STK39: variants seen among roughly 807,000 people sequenced by gnomAD.
The protein encoded by STK39 is serine/threonine kinase 39.
Under a neutral mutation model 77.8 loss-of-function variants are expected in STK39, and 20 were observed. The ratio of observed to expected loss-of-function variants is 0.26; its 90% CI spans 0.18 to 0.37. The LOEUF (loss-of-function observed/expected upper bound fraction) is 0.37. Among genes scored for constraint, STK39 ranks in the 10% least tolerant of loss-of-function variants. STK39 has a pLI of 1.00. For missense variants in STK39, 479 were observed against 656.5 expected, an observed-to-expected ratio of 0.73 and a Z score of 2.95; for synonymous variants, 246 against 234.1, an observed-to-expected ratio of 1.05 and a Z score of -0.47.
chr2:168,149,525 T>A (rs1688226699), intron 5 of STK39, among the ~76,000 whole-genome samples: 5 of 152,232 alleles, frequency 3.3e-5, no homozygotes, highest in Admixed American at 3.3e-4. Flanking sequence ...CTGCTTAATC[T>A]CCTTTCAGAC....
intron 17 of STK39, among the ~76,000 whole-genome samples, chr2:167,963,320 T>TA (rs2105528334): frequency 6.6e-6 from 1 of 152,188 alleles, no homozygotes; most frequent in Non-Finnish European, 1.5e-5. Flanking sequence ...TCTTCGGTAG[T>TA]AGGAAAGGGC....
intron 14 of STK39, among the ~76,000 whole-genome samples, chr2:168,031,248 G>A (rs1241556979): frequency 2.0e-5 from 3 of 152,130 alleles, no homozygotes; most frequent in East Asian, 1.9e-4. Flanking sequence ...TTAAAGAGAC[G>A]ACAAATACCT....
chr2:167,961,285 A>C (rs1314994918), intron 17 of STK39, among the ~76,000 whole-genome samples: 1 of 152,198 alleles, frequency 6.6e-6, no homozygotes, highest in Non-Finnish European at 1.5e-5. Context: ...TCACTGTGAA[A>C]ATGCTTATGA....
chr2:168,049,706 A>G (rs1685343190), intron 14 of STK39, among the ~76,000 whole-genome samples: 1 of 152,208 alleles, frequency 6.6e-6, no homozygotes, highest in Non-Finnish European at 1.5e-5. Flanking sequence ...GCAAGCAGTA[A>G]ATGCTATCCA....
At chr2:168,221,874 A>C (rs1690180324) in intron 1 of STK39, among the ~76,000 whole-genome samples, 1 of 152,128 alleles carries the variant, frequency 6.6e-6, no homozygotes. Flanking sequence ...AGGGAGATTT[A>C]AATTCTGACC....
At chr2:168,048,820 A>G (rs1486368870) in intron 14 of STK39, among the ~76,000 whole-genome samples, 1 of 152,176 alleles carries the variant, frequency 6.6e-6, no homozygotes, top group African/African-American at 2.4e-5. Context: ...CCAGATGGTC[A>G]TATCATCTCA....
At chr2:168,012,803 A>T in intron 15 of STK39, 101 bp from the exon 16 acceptor site, 1 of 898,878 alleles carries the variant, frequency 1.1e-6, no homozygotes, top group Non-Finnish European at 1.6e-6. Context: ...AAAATCGCCC[A>T]TGAGTTTTAA....
intron 2 of STK39, among the ~76,000 whole-genome samples, chr2:168,177,119 C>T (rs955247583): frequency 2.6e-5 from 4 of 152,072 alleles, no homozygotes; most frequent in Admixed American, 2.0e-4. Flanking sequence ...AAAGGATCAA[C>T]ATTCATCACT....
intron 17 of STK39, 105 bp downstream of exon 17, chr2:167,964,554 AAAC>A (rs1692093290): frequency 1.8e-6 from 2 of 1,087,510 alleles, no homozygotes; most frequent in Admixed American, 2.4e-5. Context: ...TTCTAAAAGA[AAAC>A]AACAACAGCA....
intron 1 of STK39, among the ~76,000 whole-genome samples, chr2:168,186,848 C>T (rs1460937220): frequency 6.6e-6 from 1 of 152,072 alleles, no homozygotes; most frequent in Non-Finnish European, 1.5e-5. Flanking sequence ...TTTCATTTTG[C>T]TTAGCACCAG....
At chr2:168,245,344 T>C (rs1340711170) in intron 1 of STK39, among the ~76,000 whole-genome samples, 1 of 152,232 alleles carries the variant, frequency 6.6e-6, no homozygotes, top group Non-Finnish European at 1.5e-5. Context: ...CTATGTCTCC[T>C]AACAACTTAG....
chr2:168,115,604 T>C (rs747602538), intron 10 of STK39, among the ~76,000 whole-genome samples: 7 of 152,214 alleles, frequency 4.6e-5, no homozygotes, highest in Non-Finnish European at 7.3e-5. Context: ...TCTTGCAGAA[T>C]TTCATGCAGC....
chr2:168,068,148 T>C (rs924273719), intron 12 of STK39, among the ~76,000 whole-genome samples: 2 of 152,100 alleles, frequency 1.3e-5, no homozygotes, highest in African/African-American at 4.8e-5. Flanking sequence ...CCATGACATG[T>C]AGGGATTATG....
At chr2:168,156,275 T>C (rs1688425944) in intron 5 of STK39, among the ~76,000 whole-genome samples, 2 of 152,160 alleles carry the variant, frequency 1.3e-5, no homozygotes, top group African/African-American at 4.8e-5. Context: ...GCATTTCAAG[T>C]CACAGCAGAA....
At chr2:167,986,902 G>C (rs759180297) in intron 16 of STK39, among the ~76,000 whole-genome samples, 10 of 152,166 alleles carry the variant, frequency 6.6e-5, no homozygotes, top group Non-Finnish European at 1.0e-4. Context: ...AGACGAGCCA[G>C]AAAAGAGTGC....
chr2:168,020,758 T>A (rs941153631), intron 14 of STK39, among the ~76,000 whole-genome samples: 1 of 152,114 alleles, frequency 6.6e-6, no homozygotes, highest in Non-Finnish European at 1.5e-5. Context: ...ATTTTTTCCA[T>A]GACTGTGTTC....
chr2:168,168,014 G>A (rs919806468), intron 2 of STK39, among the ~76,000 whole-genome samples: 3 of 152,130 alleles, frequency 2.0e-5, no homozygotes, highest in Non-Finnish European at 4.4e-5. Context: ...AAATAAGCTT[G>A]GGAAAGATCA....
intron 14 of STK39, among the ~76,000 whole-genome samples, chr2:168,032,871 G>C (rs1050445580): frequency 1.3e-5 from 2 of 152,210 alleles, no homozygotes; most frequent in Admixed American, 6.5e-5. Flanking sequence ...AATAACCATT[G>C]ATTCTCTGTC....
chr2:168,046,493 GT>G (rs1246690666), intron 14 of STK39, among the ~76,000 whole-genome samples: 1 of 152,180 alleles, frequency 6.6e-6, no homozygotes, highest in Non-Finnish European at 1.5e-5. Flanking sequence ...TGGTGAAGGG[GT>G]CACCTGGAAG....
Sources: allele counts gnomAD v4.1 joint callset (sites outside exome capture counted in the v4.1 genomes callset), GRCh38; gene constraint gnomAD v4.1.1; transcripts MANE v1.5; gene names NCBI Gene and HGNC (gene_info 2026-07-23, HGNC 2026-07-21).